The following MTERF2 variants were observed in gnomAD, a reference collection of about 807,000 sequenced individuals.
MTERF2 encodes the protein mitochondrial transcription termination factor 2, also known as transcription termination factor 2, mitochondrial.
In MTERF2, 23 loss-of-function variants were observed where a neutral mutation model predicts 29.2. The observed-to-expected ratio is 0.79, with a 90% CI of 0.57 to 1.12. The LOEUF (loss-of-function observed/expected upper bound fraction) is 1.12. MTERF2 is among the 50% of genes most tolerant of loss of function. The pLI, the probability that MTERF2 is intolerant of heterozygous loss-of-function variation, is 0.00. For missense variants in MTERF2, 440 were observed against 429.4 expected (o/e 1.02, Z -0.22); for synonymous variants, 157 against 159.5 (o/e 0.98, Z 0.12).
chr12:106,977,710 C>T lies in MTERF2; in HGVS notation c.1005G>A (p.Arg335=). 1 of 1,613,972 alleles carries T rather than the reference C, an allele frequency of 6.2e-7. No homozygotes were observed. Among genetic ancestry groups the T allele is most frequent in the Non-Finnish European group, 8.5e-7 (1 of 1,179,970 alleles). Residue 335 remains arginine, a synonymous_variant, in exon 3 of 3, where the codon AGG becomes AGA. Coordinates refer to ENST00000240050, the MANE Select transcript of MTERF2 (RefSeq NM_001033050.3). ...LTPQIVQYRI[R]KLNSSGYRIK... ...TTCTGTAGCCTGAGGAATTCAGTTT[C>T]CTTATCCTGTACTGTACTATCTGTG...
At chr12:106,981,597 T>G (rs1445008281) in intron 2 of MTERF2, among the ~76,000 whole-genome samples, 1 of 151,112 alleles carries the variant, frequency 6.6e-6, no homozygotes, top group Non-Finnish European at 1.5e-5. Flanking sequence ...CTCGGCTCAC[T>G]GCAACTTCTG....
chr12:106,977,731 C>T lies in MTERF2; in HGVS notation c.984G>A (p.Gln328=). The T allele has an allele frequency of 6.2e-7, 1 of 1,613,978 alleles. No homozygotes were observed. Among genetic ancestry groups the T allele is most frequent in the South Asian group, 1.1e-5 (1 of 91,070 alleles). ...ETPMVLELTP[Q]IVQYRIRKLN... The stretch of plus-strand genomic sequence containing the variant: ...GTTTCCTTATCCTGTACTGTACTAT[C>T]TGTGGTGTTAATTCAAGAACCATTG... Residue 328 remains glutamine, a synonymous_variant, in exon 3 of 3, where the codon CAG becomes CAA. Transcript: ENST00000240050.
Position 106,978,158 on chromosome 12 carries a change from T to G in MTERF2, c.557A>C (p.Gln186Pro). 1 of 1,614,130 alleles carries G rather than the reference T, an allele frequency of 6.2e-7. No homozygotes were observed. ...ACTCTCTTGGAGAATTCTTACCATT[T>G]GCTTATTCTTCTCAACAGGATTATG... ...VFHNPVEKNK[Q>P]MVRILQESYL... is the part of the protein sequence containing the mutation. Residue 186 changes from glutamine to proline, a missense_variant, in exon 3 of 3, where the codon CAA (glutamine) becomes CCA (proline). Transcript: ENST00000240050.
At chr12:106,984,641 G>A (rs1207132180) in intron 2 of MTERF2, among the ~76,000 whole-genome samples, 1 of 152,076 alleles carries the variant, frequency 6.6e-6, no homozygotes. Context: ...TAAATCATAG[G>A]GGTGGTTTCC....
intron 2 of MTERF2, among the ~76,000 whole-genome samples, chr12:106,980,384 C>A (rs935368367): frequency 6.6e-6 from 1 of 152,172 alleles, no homozygotes; most frequent in African/African-American, 2.4e-5. Flanking sequence ...GTGCAGAAAT[C>A]TTTTGGTATC....
chr12:106,980,814 TA>T (rs1952045156), intron 2 of MTERF2: 1 of 152,196 alleles, frequency 6.6e-6, no homozygotes, highest in South Asian at 2.1e-4. Context: ...CTGTCTTAAC[TA>T]ATCCAAATAA....
At chr12:106,982,359 G>C (rs1952062391) in intron 2 of MTERF2, among the ~76,000 whole-genome samples, 1 of 152,194 alleles carries the variant, frequency 6.6e-6, no homozygotes, top group African/African-American at 2.4e-5. Context: ...CTCTTATGCA[G>C]ACACCACACA....
chr12:106,986,269 A>C (rs1186092837), intron 1 of MTERF2: 4 of 152,222 alleles, frequency 2.6e-5, no homozygotes, highest in African/African-American at 9.6e-5. Flanking sequence ...TCTGAGCCTC[A>C]GTTTGGCATC....
chr12:106,978,490 G>A lies in MTERF2; in HGVS notation c.225C>T (p.Thr75=). 1.2e-6 allele frequency: 2 copies of A among 1,614,106 alleles called. No homozygotes were observed. The highest frequency in any genetic ancestry group is 1.7e-6 in the Non-Finnish European group (2 of 1,179,992). ...AAATATTCGCAATTTCTTCAACATA[G>A]GTTTCATCCTCTAAAAGTACCCATC... The part of the protein sequence containing the change: ...LKGWVLLEDE[T]YVEEIANILQ... The change falls in exon 3 of 3, where the codon ACC becomes ACT. Residue 75 remains threonine, a synonymous_variant. Coordinates refer to ENST00000240050, the MANE Select transcript of MTERF2 (RefSeq NM_001033050.3).
intron 2 of MTERF2, among the ~76,000 whole-genome samples, chr12:106,980,315 C>T (rs543766086): frequency 1.3e-5 from 2 of 152,124 alleles, no homozygotes; most frequent in South Asian, 4.1e-4. Flanking sequence ...TAGGAAGCTG[C>T]GAAGAAGCAA....
At position 106,977,690 on chromosome 12, in the gene MTERF2, T is replaced by C. The variant is rs747906148; in HGVS notation, c.1025A>G (p.Tyr342Cys). 2 of 1,614,080 alleles carry C rather than the reference T, an allele frequency of 1.2e-6. No homozygotes were observed. The highest frequency in any genetic ancestry group is 1.7e-6 in the Non-Finnish European group (2 of 1,179,982). ...YRIRKLNSSG[Y>C]RIKDGHLANL... is the part of the protein sequence containing the mutation. ...TGCTAGATGTCCATCCTTTATTCTG[T>C]AGCCTGAGGAATTCAGTTTCCTTAT... The change falls in exon 3 of 3, where the codon TAC becomes TGC. Residue 342 changes from tyrosine to cysteine, a missense_variant. By Grantham distance (194) the Tyr-to-Cys change is radical. Transcript: ENST00000240050.
rs371095690 is a variant in MTERF2 at position 106,979,382 on chromosome 12, G to C, written c.-57-611C>G. Among the ~76,000 whole-genome samples, 29 of 151,912 alleles carry C rather than the reference G, an allele frequency of 1.9e-4. No homozygotes were observed. The East Asian group carries it at 4.2e-3, about 22-fold the overall frequency. On this transcript the variant is annotated intron_variant, in intron 2 of 2. Coordinates refer to ENST00000240050, the MANE Select transcript of MTERF2 (RefSeq NM_001033050.3). Reference sequence around the variant, plus strand: ...GCTGAATAACTATCACCCAAAATGGGCCAATTATTTTATTTTAAATGAGTT... The same window carrying C: ...GCTGAATAACTATCACCCAAAATGGCCCAATTATTTTATTTTAAATGAGTT...
At chr12:106,982,555 T>TA (rs138166124) in intron 2 of MTERF2, among the ~76,000 whole-genome samples, 8,077 of 152,318 alleles carry the variant, frequency 0.053, 300 homozygotes, top group African/African-American at 0.11. Flanking sequence ...TCTGCTTCTA[T>TA]TTTATTCACA....
chr12:106,978,149 C>A lies in MTERF2; in HGVS notation c.566G>T (p.Arg189Ile). ...NPVEKNKQMV[R>I]ILQESYLDVG... ...ATCTAGATAACTCTCTTGGAGAATT[C>A]TTACCATTTGCTTATTCTTCTCAAC... is the stretch of plus-strand genomic sequence containing the variant. Residue 189 changes from arginine (R) to isoleucine (I), a missense_variant, in exon 3 of 3, where the codon AGA becomes ATA. Coordinates refer to ENST00000240050, the MANE Select transcript of MTERF2 (RefSeq NM_001033050.3). The A allele has an allele frequency of 6.2e-7, 1 of 1,614,100 alleles. No homozygotes were observed.
rs1951994276 is a variant in MTERF2, at chr12:106,977,372, AAT to A, written c.*183_*184del. 3 of 475,856 alleles carry A rather than the reference AAT, an allele frequency of 6.3e-6. No individual in the cohort carries two copies. Among genetic ancestry groups the A allele is most frequent in the South Asian group, 4.5e-5 (1 of 22,222 alleles). 29.5% of individuals were successfully genotyped at this position (475,856 alleles called of 1,614,324 possible). On this transcript the variant is annotated 3_prime_UTR_variant, in exon 3 of 3. Coordinates refer to ENST00000240050, the MANE Select transcript of MTERF2 (RefSeq NM_001033050.3). ...AAAAGTTACCAACCTTATTAAAATA[AAT>A]ATGATTTATATTTTATAATATGGCA...
Position 106,978,556 on chromosome 12 carries a change from A to T in MTERF2, c.159T>A (p.Tyr53Ter), listed in dbSNP as rs149802408. Residue 53 changes from tyrosine (Y) to a stop codon, truncating the protein, a stop_gained, in exon 3 of 3, where the codon TAT becomes TAA. Coordinates refer to ENST00000240050, the MANE Select transcript of MTERF2 (RefSeq NM_001033050.3). LOFTEE classifies it high-confidence loss of function. ...TTTTCCTAATGTCAACTGAACATTTATAGAGCTTTTCCACTGTTCTTGTAT... is the reference window on the plus strand; with the variant it reads ...TTTTCCTAATGTCAACTGAACATTTTTAGAGCTTTTCCACTGTTCTTGTAT... ...KENTRTVEKL[Y>*]KCSVDIRKIR... is the part of the protein sequence containing the mutation. 14 of 1,614,120 alleles carry T rather than the reference A, an allele frequency of 8.7e-6. No individual in the cohort carries two copies. In the African/African-American group the frequency reaches 1.7e-4, roughly 20 times the overall value.
intron 2 of MTERF2, among the ~76,000 whole-genome samples, chr12:106,979,225 T>C (rs1952027520): frequency 6.6e-6 from 1 of 152,220 alleles, no homozygotes; most frequent in African/African-American, 2.4e-5. Flanking sequence ...TTAGGAGGCC[T>C]GTATTATGCA....
At position 106,978,750 on chromosome 12, in the gene MTERF2, G is replaced by C. The variant is rs1483925400; in HGVS notation, c.-36C>G. On this transcript the variant is annotated 5_prime_UTR_variant, in exon 3 of 3. Coordinates refer to ENST00000240050, the MANE Select transcript of MTERF2 (RefSeq NM_001033050.3). ...TACTAGCTAGTTTCCACCGTCCTGG[G>C]ACTTAAATGGACTCATTCTATCTGA... 6.4e-7 allele frequency: 1 copy of C among 1,557,094 alleles called. No homozygotes were observed. Among genetic ancestry groups the C allele is most frequent in the Non-Finnish European group, 8.7e-7 (1 of 1,150,756 alleles).
intron 2 of MTERF2, 95 bp from the exon 3 acceptor site, chr12:106,978,866 G>A (rs1015683551): frequency 2.0e-5 from 12 of 615,030 alleles, no homozygotes; most frequent in Non-Finnish European, 2.9e-5. Flanking sequence ...TGGAAATAAA[G>A]TGGATTTAAA....
Sources: gnomAD v4.1 joint callset for allele counts (sites outside exome capture counted in the v4.1 genomes callset) on GRCh38, gnomAD v4.1.1 for gene constraint, MANE v1.5 for transcripts, NCBI Gene and HGNC (gene_info 2026-07-23, HGNC 2026-07-21) for gene names.